NRG1: variants seen among roughly 807,000 people sequenced by gnomAD.
The protein encoded by NRG1 is neuregulin 1.
In NRG1, 18 loss-of-function variants were observed where a neutral mutation model predicts 63.8. The ratio of observed to expected loss-of-function variants is 0.28; its 90% CI spans 0.19 to 0.42. The LOEUF (loss-of-function observed/expected upper bound fraction) is 0.42, where lower values mean the gene tolerates loss of function less well. Ranked by LOEUF, NRG1 falls within the 10% of genes least tolerant of loss-of-function variation. NRG1 has a pLI of 1.00. For synonymous variants in NRG1, 302 were observed against 301.3 expected (o/e 1.00, Z -0.02); for missense variants, 762 against 814.7 (o/e 0.94, Z 0.79).
intron 1 of NRG1, among the ~76,000 whole-genome samples, chr8:32,313,933 A>G (rs1431021277): frequency 6.6e-6 from 1 of 152,212 alleles, no homozygotes; most frequent in Non-Finnish European, 1.5e-5. Context: ...TAAATAAAAT[A>G]CAAATGTTTT....
rs1329290413 is a variant in NRG1, at chr8:31,782,631, A to G, written c.37+143200A>G. On this transcript the variant is annotated intron_variant, in intron 1 of 10. Transcript: ENST00000519301. ...ATTACATTGGGGTTTTCTAGAAGAC[A>G]GTATGAAAATTTCACTTAATTTGTG... is the stretch of plus-strand genomic sequence containing the variant. Among the ~76,000 whole-genome samples, 4 of 152,184 alleles carry G rather than the reference A, an allele frequency of 2.6e-5. No homozygotes were observed. In the South Asian group the frequency reaches 6.2e-4, roughly 24 times the overall value.
At chr8:32,205,220 A>G (rs183856918) in intron 1 of NRG1, among the ~76,000 whole-genome samples, 7 of 152,246 alleles carry the variant, frequency 4.6e-5, no homozygotes, top group Admixed American at 2.0e-4. Context: ...GGGTTTTTTT[A>G]TATTTTACAA....
intron 1 of NRG1, among the ~76,000 whole-genome samples, chr8:32,401,243 A>G (rs1417578524): frequency 6.6e-6 from 1 of 152,138 alleles, no homozygotes; most frequent in Non-Finnish European, 1.5e-5. Context: ...AAGCCCCATG[A>G]CACGCAGCTT....
At chr8:31,704,830 TAAA>T (rs373101607) in intron 1 of NRG1, among the ~76,000 whole-genome samples, 19 of 118,788 alleles carry the variant, frequency 1.6e-4, no homozygotes, top group African/African-American at 1.9e-4. Context: ...AGACTCCGTC[TAAA>T]AAAAAAAAAA....
intron 1 of NRG1, among the ~76,000 whole-genome samples, chr8:32,064,845 C>T (rs895803197): frequency 1.2e-4 from 18 of 152,020 alleles, no homozygotes; most frequent in African/African-American, 3.6e-4. Context: ...TATTACATAA[C>T]AGTCATATAT....
chr8:32,379,606 A>G (rs1054005855), intron 1 of NRG1, among the ~76,000 whole-genome samples: 3 of 152,238 alleles, frequency 2.0e-5, no homozygotes, highest in Admixed American at 6.5e-5. Flanking sequence ...ACAGGATGCC[A>G]TCCATTGTGT....
intron 1 of NRG1, among the ~76,000 whole-genome samples, chr8:32,202,187 T>C (rs1023991272): frequency 6.6e-5 from 10 of 152,184 alleles, no homozygotes; most frequent in Non-Finnish European, 1.0e-4. Context: ...GTCTTTCCAC[T>C]TTATAATTAT....
chr8:31,962,016 C>CT (rs1267693130), intron 1 of NRG1, among the ~76,000 whole-genome samples: 2 of 152,006 alleles, frequency 1.3e-5, no homozygotes, highest in African/African-American at 4.8e-5. Flanking sequence ...TTTGGCAGAT[C>CT]TTTTTTGGTG....
chr8:32,754,443 A>G, exon 8 of NRG1: 1 of 1,613,864 alleles, frequency 6.2e-7, no homozygotes. Context: ...TGTGGTCGGC[A>G]TCATGTGTGT....
rs537720795 is a variant in NRG1, at chr8:31,929,380, C to A, written c.37+289949C>A. On this transcript the variant is annotated intron_variant, in intron 1 of 10. Transcript: ENST00000519301. ...TTATATACTTTTCTACATGATTGGA[C>A]TTATTTATAATTTGGATTTTTGAAT... 1.1e-4 allele frequency among the ~76,000 whole-genome samples: 16 copies of A among 152,038 alleles called. No individual in the cohort carries two copies. In the South Asian group the frequency reaches 3.1e-3, roughly 30 times the overall value.
At chr8:32,468,407 G>C (rs536433670) in intron 1 of NRG1, among the ~76,000 whole-genome samples, 16 of 152,138 alleles carry the variant, frequency 1.1e-4, no homozygotes, top group African/African-American at 3.6e-4. Context: ...AAACAAAAGG[G>C]CCCTATAAAT....
chr8:32,043,243 A>G (rs1340343043), intron 1 of NRG1, among the ~76,000 whole-genome samples: 1 of 152,086 alleles, frequency 6.6e-6, no homozygotes, highest in Non-Finnish European at 1.5e-5. Flanking sequence ...AATAACTTCA[A>G]ATTTCTTGTC....
intron 1 of NRG1, among the ~76,000 whole-genome samples, chr8:32,204,203 G>C (rs939482976): frequency 3.5e-4 from 54 of 152,202 alleles, no homozygotes; most frequent in African/African-American, 1.3e-3. Context: ...GGAAAGGGCA[G>C]TCCAGATTGT....
chr8:31,913,563 C>A (rs1402279747), intron 1 of NRG1, among the ~76,000 whole-genome samples: 1 of 152,056 alleles, frequency 6.6e-6, no homozygotes, highest in African/African-American at 2.4e-5. Context: ...CAGGGTTAAA[C>A]AGAAGTTACA....
chr8:32,274,385 A>T (rs531875229), intron 1 of NRG1, among the ~76,000 whole-genome samples: 1 of 152,234 alleles, frequency 6.6e-6, no homozygotes, highest in Non-Finnish European at 1.5e-5. Context: ...AGTACGGGAT[A>T]GGTGGAGAAA....
chr8:31,830,310 C>A (rs1824985597), intron 1 of NRG1, among the ~76,000 whole-genome samples: 1 of 65,568 alleles, frequency 1.5e-5, no homozygotes, highest in Non-Finnish European at 3.1e-5. Flanking sequence ...TTTTTCCTTC[C>A]TTCCTTCCTT....
chr8:32,283,587 A>G (rs1430522591), intron 1 of NRG1, among the ~76,000 whole-genome samples: 4 of 152,172 alleles, frequency 2.6e-5, no homozygotes, highest in African/African-American at 9.7e-5. Context: ...CAGAAGATGA[A>G]GAGGGTTTTG....
chr8:32,410,242 A>G (rs1354522909), intron 1 of NRG1, among the ~76,000 whole-genome samples: 3 of 129,292 alleles, frequency 2.3e-5, no homozygotes, highest in South Asian at 5.0e-4. Context: ...GTGCAGTGGC[A>G]TCATCATATC....
intron 1 of NRG1, among the ~76,000 whole-genome samples, chr8:31,711,205 A>G (rs1293412084): frequency 6.6e-6 from 1 of 152,134 alleles, no homozygotes; most frequent in African/African-American, 2.4e-5. Context: ...TTTTTTGGTC[A>G]TCCCAACCCT....
Sources: allele counts gnomAD v4.1 joint callset (sites outside exome capture counted in the v4.1 genomes callset), GRCh38; gene constraint gnomAD v4.1.1; transcripts MANE v1.5; gene names NCBI Gene and HGNC (gene_info 2026-07-23, HGNC 2026-07-21).